Variants in NFAT5 observed in about 807,000 individuals in gnomAD.
NFAT5 encodes nuclear factor of activated T-cells 5.
Under a neutral mutation model 166.5 loss-of-function variants are expected in NFAT5, and 31 were observed. The observed-to-expected ratio is 0.19, with a 90% CI of 0.14 to 0.25. The LOEUF (loss-of-function observed/expected upper bound fraction) is 0.25, where lower values mean the gene tolerates loss of function less well. Ranked by LOEUF, NFAT5 falls within the 10% of genes least tolerant of loss-of-function variation. The pLI is 1.00. For synonymous variants in NFAT5, 612 were observed against 639.7 expected, an observed-to-expected ratio of 0.96 and a Z score of 0.65; for missense variants, 1,449 against 1,821.8, an observed-to-expected ratio of 0.80 and a Z score of 3.72.
In NFAT5 at chr16:69,566,409, G is replaced by GGGGAGACA. The variant is rs540254351; in HGVS notation, c.73+55_73+62dup. 2,113 of 1,418,136 alleles carry GGGGAGACA rather than the reference G, an allele frequency of 1.5e-3. 18 individuals are homozygous for GGGGAGACA. Among genetic ancestry groups the GGGGAGACA allele is most frequent in the South Asian group, 5.3e-3 (442 of 82,734 alleles). The allele number at this position is 1,418,136 out of a possible 1,614,324, so 87.8% of individuals were successfully genotyped here. ...GCTGTGGGGGGTGGGGCGTGGGGGC[G>GGGGAGACA]GGGAGACAGGGAGACAGGGAGACAG... On this transcript the variant is annotated intron_variant, in intron 1 of 14. Transcript: ENST00000349945. The surrounding 1 kb of genome is among the most constrained non-coding windows in gnomAD (Gnocchi z 5.7).
At chr16:69,673,485 G>A (rs2151678278) in intron 9 of NFAT5, among the ~76,000 whole-genome samples, 1 of 152,204 alleles carries the variant, frequency 6.6e-6, no homozygotes, top group South Asian at 2.1e-4. Flanking sequence ...CACTTTGGGA[G>A]GTAGAGGCAG....
At chr16:69,675,795 A>G (rs904307337) in intron 9 of NFAT5, among the ~76,000 whole-genome samples, 2 of 152,078 alleles carry the variant, frequency 1.3e-5, no homozygotes, top group African/African-American at 4.8e-5. Context: ...ATGTGCCACC[A>G]GGGCTGGCTA....
intron 4 of NFAT5, among the ~76,000 whole-genome samples, chr16:69,651,256 A>T (rs2035653565): frequency 6.6e-6 from 1 of 152,206 alleles, no homozygotes; most frequent in Admixed American, 6.5e-5. Context: ...CAGGGAATAT[A>T]AAGATGATTA....
intron 9 of NFAT5, among the ~76,000 whole-genome samples, chr16:69,676,508 A>G (rs1422303674): frequency 6.6e-6 from 1 of 152,186 alleles, no homozygotes; most frequent in Non-Finnish European, 1.5e-5. Context: ...CTTGGTGGGC[A>G]TATTTTTTTT....
rs1195133210 is a variant in NFAT5, at chr16:69,677,298, T to A, written c.1653T>A (p.Ser551=). ...ATGTAGTGACAAATGCTGGAAGATC[T>A]CATGATGTTCAACCATTCACTTACA... is the stretch of plus-strand genomic sequence containing the variant. The part of the protein sequence containing the change: ...GIYVVTNAGR[S]HDVQPFTYTP... Residue 551 remains serine, a synonymous_variant, in exon 10 of 15, where the codon TCT becomes TCA. Transcript: ENST00000349945. 11 of 1,611,772 alleles carry A rather than the reference T, an allele frequency of 6.8e-6. No homozygotes were observed. The Admixed American group carries it at 1.5e-4, about 22-fold the overall frequency.
At chr16:69,597,433 A>C (rs2032860825) in intron 2 of NFAT5, among the ~76,000 whole-genome samples, 1 of 152,076 alleles carries the variant, frequency 6.6e-6, no homozygotes, top group African/African-American at 2.4e-5. Flanking sequence ...TAAAAGTTGA[A>C]AATAGGTTAA....
rs2037805993 is a variant in NFAT5 at position 69,697,727 on chromosome 16, T to TG, written c.*1379dup. 1 of 152,602 alleles carries TG rather than the reference T, an allele frequency of 6.6e-6. No individual in the cohort carries two copies. The highest frequency in any genetic ancestry group is 1.5e-5 in the Non-Finnish European group (1 of 68,040). The allele number at this position is 152,602 out of a possible 1,614,324, so 9.5% of individuals were successfully genotyped here. A position where few individuals can be genotyped will look rare whatever the true frequency, so the allele number is the denominator to read the frequency against. The stretch of plus-strand genomic sequence containing the variant: ...CAGTTTTGGGTGTTCTTGCCACCCG[T>TG]GGGATGCCTGCTTCTCACTACCACC... On this transcript the variant is annotated 3_prime_UTR_variant, in exon 15 of 15. Transcript: ENST00000349945.
intron 4 of NFAT5, among the ~76,000 whole-genome samples, 154 bp from the exon 5 acceptor site, chr16:69,653,082 T>TA (rs571640587): frequency 1.6e-4 from 25 of 152,328 alleles, no homozygotes; most frequent in Non-Finnish European, 3.2e-4. Flanking sequence ...TGCTCATGTA[T>TA]CTTCCTTTAG....
chr16:69,601,542 T>A (rs1041525333), intron 2 of NFAT5, among the ~76,000 whole-genome samples: 5 of 152,104 alleles, frequency 3.3e-5, no homozygotes, highest in South Asian at 2.1e-4. Context: ...TAATATTTTT[T>A]AAAAATTTTT....
In NFAT5 at chr16:69,699,511, A is replaced by G. The variant is rs1449254220; in HGVS notation, c.*3160A>G. ...ACATTGTTAAATGTTCCTTACCCCT[A>G]AAGGTCAATGTTAAGTACAACATTC... On this transcript the variant is annotated 3_prime_UTR_variant, in exon 15 of 15. Coordinates refer to ENST00000349945, the MANE Select transcript of NFAT5 (RefSeq NM_138713.4). 1 of 152,636 alleles carries G rather than the reference A, an allele frequency of 6.6e-6. No individual in the cohort carries two copies. Among genetic ancestry groups the G allele is most frequent in the African/African-American group, 2.4e-5 (1 of 41,444 alleles). The allele number at this position is 152,636 out of a possible 1,614,324, so 9.5% of individuals were successfully genotyped here. A position where few individuals can be genotyped will look rare whatever the true frequency, so the allele number is the denominator to read the frequency against.
intron 5 of NFAT5, among the ~76,000 whole-genome samples, chr16:69,653,835 T>C (rs2035776402): frequency 6.6e-6 from 1 of 151,962 alleles, no homozygotes; most frequent in Admixed American, 6.6e-5. Flanking sequence ...GAGGAAGAAA[T>C]ATTAAAGTGA....
Position 69,691,911 on chromosome 16 carries a change from A to T in NFAT5, c.2086A>T (p.Ile696Phe). Residue 696 changes from isoleucine to phenylalanine, a missense_variant, in exon 13 of 15, where the codon ATT becomes TTT. Ile to Phe is a conservative substitution (Grantham distance 21). This residue lies in a region of NFAT5 where 891 missense variants were observed against 993.0 expected (regional missense o/e 0.90). Transcript: ENST00000349945. ...ATACAACCCAGAGACCCTGACAACT[A>T]TTCAAACCCAGGACATCTCACAGCC... ...KAYNPETLTT[I>F]QTQDISQPGT... 2 of 1,614,170 alleles carry T rather than the reference A, an allele frequency of 1.2e-6. No individual in the cohort carries two copies. Among genetic ancestry groups the T allele is most frequent in the Non-Finnish European group, 1.7e-6 (2 of 1,180,024 alleles).
chr16:69,601,099 A>T (rs2033106446), intron 2 of NFAT5, among the ~76,000 whole-genome samples: 1 of 152,120 alleles, frequency 6.6e-6, no homozygotes, highest in Non-Finnish European at 1.5e-5. Flanking sequence ...ACGCACACAC[A>T]CATACACACA....
At chr16:69,604,928 A>G (rs1353173908) in intron 2 of NFAT5, among the ~76,000 whole-genome samples, 1 of 152,140 alleles carries the variant, frequency 6.6e-6, no homozygotes, top group African/African-American at 2.4e-5. Flanking sequence ...TGGATACCAC[A>G]ATTTGTGTTA....
At chr16:69,610,557 A>G (rs1311653467) in intron 2 of NFAT5, among the ~76,000 whole-genome samples, 1 of 152,144 alleles carries the variant, frequency 6.6e-6, no homozygotes, top group Non-Finnish European at 1.5e-5. Flanking sequence ...CCTCAGTGTT[A>G]CTCTAATTGC....
Position 69,693,908 on chromosome 16 carries a change from G to C in NFAT5, c.4083G>C (p.Gln1361His). 1 of 1,614,198 alleles carries C rather than the reference G, an allele frequency of 6.2e-7. No homozygotes were observed. Among genetic ancestry groups the C allele is most frequent in the South Asian group, 1.1e-5 (1 of 91,082 alleles). ...CACTTCAGAACCCAGGTCCTACCCA[G>C]TCGGAATCATCACAGACCCCCTTGT... The part of the protein sequence containing the change: ...VSSLQNPGPT[Q>H]SESSQTPLFH... The change falls in exon 13 of 15, where the codon CAG (glutamine) becomes CAC (histidine). Residue 1361 changes from glutamine to histidine, a missense_variant. By Grantham distance (24) the Gln-to-His change is conservative. Around this residue, in one of 7 missense-constraint regions of NFAT5, gnomAD observed 891 missense variants for 993.0 expected, o/e 0.90. Transcript: ENST00000349945.
At position 69,630,947 on chromosome 16, in the gene NFAT5, A is replaced by G. The variant is rs1314555614; in HGVS notation, c.253+4419A>G. On this transcript the variant is annotated intron_variant, in intron 3 of 14. Transcript: ENST00000349945. ...ATTAAATTTACTTAATTTATTTAAA[A>G]TAGAAAGTCATGGACTTTAGTCTTC... is the stretch of plus-strand genomic sequence containing the variant. Among the ~76,000 whole-genome samples the G allele has an allele frequency of 2.0e-5, 3 of 152,230 alleles. 1 individual carries two copies. Among genetic ancestry groups the G allele is most frequent in the Middle Eastern group, 6.3e-3 (2 of 316 alleles).
rs2037824548 is a variant in NFAT5 at position 69,698,224 on chromosome 16, C to G, written c.*1873C>G. 1.3e-5 allele frequency: 2 copies of G among 152,478 alleles called. No homozygotes were observed. The highest frequency in any genetic ancestry group is 4.2e-4 in the South Asian group (2 of 4,816). The allele number at this position is 152,478 out of a possible 1,614,324, so 9.4% of individuals were successfully genotyped here. A position where few individuals can be genotyped will look rare whatever the true frequency, so the allele number is the denominator to read the frequency against. On this transcript the variant is annotated 3_prime_UTR_variant, in exon 15 of 15. Transcript: ENST00000349945. ...GGAACTTTTCAGAAAGAGACCTACT[C>G]TGGGTCATTTAATTTTGAATACAGT... is the stretch of plus-strand genomic sequence containing the variant.
intron 7 of NFAT5, among the ~76,000 whole-genome samples, chr16:69,665,329 C>G (rs2036323280): frequency 7.1e-6 from 1 of 140,868 alleles, no homozygotes; most frequent in South Asian, 2.4e-4. Context: ...GGCAATTAGG[C>G]AGGAGAAGGA....
Sources: gnomAD v4.1 joint callset for allele counts (sites outside exome capture counted in the v4.1 genomes callset) on GRCh38, gnomAD v4.1.1 for gene constraint, gnomAD v4.1.1 regional missense constraint, Gnocchi (gnomAD v3.1) non-coding constraint, MANE v1.5 for transcripts, NCBI Gene and HGNC (gene_info 2026-07-23, HGNC 2026-07-21) for gene names.